EPC1: variants seen among roughly 807,000 people sequenced by gnomAD.
The protein encoded by EPC1 is enhancer of polycomb 1.
In EPC1, 12 loss-of-function variants were observed where a neutral mutation model predicts 98.4. The observed-to-expected ratio is 0.12, with a 90% CI of 0.08 to 0.20. The LOEUF is 0.20. Among genes scored for constraint, EPC1 ranks in the 10% least tolerant of loss-of-function variants. The pLI, the probability that EPC1 is intolerant of heterozygous loss-of-function variation, is 1.00. For missense variants in EPC1, 729 were observed against 990.5 expected, an observed-to-expected ratio of 0.74 and a Z score of 3.54; for synonymous variants, 357 against 363.9, an observed-to-expected ratio of 0.98 and a Z score of 0.21.
At chr10:32,305,617 T>C (rs1353009763) in intron 2 of EPC1, among the ~76,000 whole-genome samples, 155 bp downstream of exon 2, 1 of 152,034 alleles carries the variant, frequency 6.6e-6, no homozygotes, top group African/African-American at 2.4e-5. Context: ...ATCTCAAATA[T>C]CATTTTAAAA....
intron 1 of EPC1, among the ~76,000 whole-genome samples, chr10:32,318,394 A>C (rs1331392221): frequency 1.3e-5 from 2 of 152,128 alleles, no homozygotes; most frequent in African/African-American, 4.8e-5. Flanking sequence ...CACAAACTAA[A>C]TCTGTCCCAC....
upstream of EPC1, among the ~76,000 whole-genome samples, chr10:32,351,862 C>T (rs954625589): frequency 4.0e-5 from 6 of 148,700 alleles, no homozygotes; most frequent in Admixed American, 1.3e-4. Flanking sequence ...TCACAAGTAG[C>T]TGGGATTACA....
intron 1 of EPC1, among the ~76,000 whole-genome samples, chr10:32,369,523 G>C (rs952121866): frequency 6.6e-6 from 1 of 152,140 alleles, no homozygotes; most frequent in Non-Finnish European, 1.5e-5. Flanking sequence ...AACAAGCTAA[G>C]AAGGCAGACC....
At chr10:32,323,227 G>A (rs566976675) in intron 1 of EPC1, among the ~76,000 whole-genome samples, 3 of 151,794 alleles carry the variant, frequency 2.0e-5, no homozygotes, top group Admixed American at 1.3e-4. Flanking sequence ...CCTTTTCACC[G>A]AGTCCCTAAG....
intron 1 of EPC1, among the ~76,000 whole-genome samples, chr10:32,376,850 TTTTTA>T (rs1839880638): frequency 6.6e-6 from 1 of 152,194 alleles, no homozygotes; most frequent in Non-Finnish European, 1.5e-5. Flanking sequence ...ATTTCAGTTG[TTTTTA>T]TTTTATGTGA....
intron 9 of EPC1, chr10:32,285,313 C>A: frequency 2.7e-6 from 1 of 367,386 alleles, no homozygotes; most frequent in Non-Finnish European, 4.9e-6. Context: ...TAAAATGTTG[C>A]GAACACATTT....
upstream of EPC1, among the ~76,000 whole-genome samples, chr10:32,351,943 C>T (rs1408704987): frequency 6.6e-6 from 1 of 150,726 alleles, no homozygotes; most frequent in Non-Finnish European, 1.5e-5. Flanking sequence ...CATATGTTGG[C>T]CAGGCTGGTC....
intron 1 of EPC1, among the ~76,000 whole-genome samples, chr10:32,320,236 T>TA (rs912659303): frequency 8.6e-5 from 13 of 151,654 alleles, no homozygotes; most frequent in East Asian, 7.7e-4. Flanking sequence ...ACTTTTTTTT[T>TA]AAAAAGTACA....
chr10:32,347,333 C>T (rs1219438127), upstream of EPC1: 46 of 406,986 alleles, frequency 1.1e-4, no homozygotes, highest in Non-Finnish European at 1.5e-4. Flanking sequence ...GGGCCCCCGC[C>T]CTTCGCGGGT....
At chr10:32,298,905 T>C (rs1835329305) in intron 2 of EPC1, among the ~76,000 whole-genome samples, 1 of 152,114 alleles carries the variant, frequency 6.6e-6, no homozygotes, top group African/African-American at 2.4e-5. Flanking sequence ...AGGATATCTG[T>C]TCTGAGAGGT....
At chr10:32,378,404 G>A (rs901625169) in intron 1 of EPC1, 4 of 1,099,734 alleles carry the variant, frequency 3.6e-6, no homozygotes, top group Non-Finnish European at 5.3e-6. Context: ...ACAAAGATTG[G>A]TTTTGTTAGA....
rs1010632641 is a variant in EPC1 at position 32,347,020 on chromosome 10, T to C, written c.-105A>G. 6.6e-7 allele frequency: 1 copy of C among 1,513,330 alleles called. No individual in the cohort carries two copies. The highest frequency in any genetic ancestry group is 8.8e-7 in the Non-Finnish European group (1 of 1,137,606). The allele number at this position is 1,513,330 out of a possible 1,614,324, so 93.7% of individuals were successfully genotyped here. A position where few individuals can be genotyped will look rare whatever the true frequency, so the allele number is the denominator to read the frequency against. On this transcript the variant is annotated 5_prime_UTR_variant, in exon 1 of 14. Coordinates refer to ENST00000319778, the MANE Select transcript of EPC1 (RefSeq NM_001272004.3). ...CCACTCGCCAACCGCTGCCGGGGAC[T>C]TGAGGGGCGGAGCGCAGAGCCCGCC... is the stretch of plus-strand genomic sequence containing the variant.
chr10:32,304,691 G>A (rs563564895), intron 2 of EPC1, among the ~76,000 whole-genome samples: 7 of 152,104 alleles, frequency 4.6e-5, no homozygotes, highest in South Asian at 2.1e-4. Context: ...AGGCCGAGGC[G>A]GGCGGATCAC....
At chr10:32,285,621 G>A (rs532661073) in intron 9 of EPC1, 1 of 152,316 alleles carries the variant, frequency 6.6e-6, no homozygotes, top group East Asian at 1.9e-4. Context: ...GAGATTACAG[G>A]CGCCTGCCAC....
intron 1 of EPC1, among the ~76,000 whole-genome samples, chr10:32,363,514 T>C (rs1367536184): frequency 6.6e-6 from 1 of 152,224 alleles, no homozygotes; most frequent in African/African-American, 2.4e-5. Flanking sequence ...ATGCTAGCTG[T>C]CAGTCATTCT....
Position 32,278,948 on chromosome 10 carries a change from A to C in EPC1, c.1745-5667T>G, listed in dbSNP as rs556961319. Among the ~76,000 whole-genome samples, 16 of 152,336 alleles carry C rather than the reference A, an allele frequency of 1.1e-4. No homozygotes were observed. In the East Asian group the frequency reaches 2.9e-3, roughly 28 times the overall value. ...CAGTCAAATATTCCTCTTAGTGTGAATATTCTTGCATTTTATTATATGACT... is the reference window on the plus strand; with the variant it reads ...CAGTCAAATATTCCTCTTAGTGTGACTATTCTTGCATTTTATTATATGACT... On this transcript the variant is annotated intron_variant, in intron 10 of 13. Transcript: ENST00000319778.
intron 1 of EPC1, among the ~76,000 whole-genome samples, chr10:32,310,524 T>C (rs1292700608): frequency 1.3e-5 from 2 of 152,238 alleles, no homozygotes; most frequent in Admixed American, 6.5e-5. Context: ...CCTTATGTTA[T>C]ATCCACTTTT....
At chr10:32,270,882 G>A (rs997109745) in intron 13 of EPC1, among the ~76,000 whole-genome samples, 1 of 148,800 alleles carries the variant, frequency 6.7e-6, no homozygotes, top group Non-Finnish European at 1.5e-5. Context: ...TGGGGCAGGG[G>A]TTTCTATCAA....
chr10:32,307,863 C>T (rs924493333), intron 1 of EPC1, among the ~76,000 whole-genome samples: 1 of 152,214 alleles, frequency 6.6e-6, no homozygotes, highest in Non-Finnish European at 1.5e-5. Flanking sequence ...ACACGTGATT[C>T]ATAGTTTGCT....
Sources: gnomAD v4.1 joint callset for allele counts (sites outside exome capture counted in the v4.1 genomes callset) on GRCh38, gnomAD v4.1.1 for gene constraint, MANE v1.5 for transcripts, NCBI Gene and HGNC (gene_info 2026-07-23, HGNC 2026-07-21) for gene names.